RSF1: variants seen among roughly 807,000 people sequenced by gnomAD.
RSF1 encodes remodeling and spacing factor 1, also known as HBV pX-associated protein 8.
Under a neutral mutation model 145.2 loss-of-function variants are expected in RSF1, and 13 were observed. That is an observed-to-expected ratio of 0.09 (90% CI 0.06 to 0.14). The LOEUF is 0.14. RSF1 is among the 10% of genes least tolerant of loss of function. The pLI is 1.00. For missense variants in RSF1, 1,517 were observed against 1,718.2 expected (o/e 0.88, Z 2.07); for synonymous variants, 577 against 592.6 (o/e 0.97, Z 0.38).
chr11:77,831,755 G>A, the RSF1 span: 2 of 150,542 alleles, frequency 1.3e-5, no homozygotes, highest in African/African-American at 2.5e-5. Flanking sequence ...GAGTGCAGTG[G>A]TACGATCTTG....
chr11:77,800,185 T>A (rs1010702910), intron 1 of RSF1, among the ~76,000 whole-genome samples: 4 of 152,060 alleles, frequency 2.6e-5, no homozygotes, highest in African/African-American at 9.7e-5. Flanking sequence ...TAAATAAAAA[T>A]AAAGTTTAGG....
At chr11:77,777,550 A>C (rs1158027488) in intron 1 of RSF1, among the ~76,000 whole-genome samples, 1 of 152,166 alleles carries the variant, frequency 6.6e-6, no homozygotes, top group African/African-American at 2.4e-5. Context: ...CCAAGATGGC[A>C]CCATTGCACT....
intron 5 of RSF1, among the ~76,000 whole-genome samples, chr11:77,719,608 A>T (rs11825750): frequency 2.3e-3 from 346 of 152,360 alleles, no homozygotes; most frequent in African/African-American, 7.9e-3. Context: ...TTAAAAAATC[A>T]GTCATATGAA....
At chr11:77,715,109 G>A (rs147161335) in intron 5 of RSF1, among the ~76,000 whole-genome samples, 303 of 152,172 alleles carry the variant, frequency 2.0e-3, no homozygotes, top group African/African-American at 6.9e-3. Flanking sequence ...GGGCAATTGA[G>A]CAAGACCTTA....
chr11:77,813,711 C>T (rs984945132), intron 1 of RSF1: 14 of 421,520 alleles, frequency 3.3e-5, no homozygotes, highest in African/African-American at 6.0e-5. Context: ...ACTTGTTCCT[C>T]GGCGAGAGCG....
At chr11:77,823,950 C>A (rs1949056816), upstream of RSF1, among the ~76,000 whole-genome samples, 1 of 150,648 alleles carries the variant, frequency 6.6e-6, no homozygotes, top group African/African-American at 2.4e-5. Flanking sequence ...CTATAGTTTT[C>A]TTTTCTCACT....
chr11:77,727,042 C>T lies in RSF1; in HGVS notation c.579-1343G>A, dbSNP rs75791207. Among the ~76,000 whole-genome samples, 15 of 152,282 alleles carry T rather than the reference C, an allele frequency of 9.9e-5. No homozygotes were observed. In the East Asian group the frequency reaches 2.9e-3, roughly 29 times the overall value. On this transcript the variant is annotated intron_variant, in intron 4 of 15. Transcript: ENST00000308488. ...CAATTATACATGAGAATAAAACATA[C>T]ATGTTCATACATATCATATGAGCAT...
upstream of RSF1, among the ~76,000 whole-genome samples, chr11:77,823,152 T>C (rs1339978898): frequency 2.0e-5 from 3 of 146,816 alleles, no homozygotes; most frequent in Non-Finnish European, 3.0e-5. Context: ...GAGGCGGAGC[T>C]TGCAGTGAGC....
intron 1 of RSF1, among the ~76,000 whole-genome samples, chr11:77,797,888 G>A (rs965264659): frequency 2.0e-5 from 3 of 152,166 alleles, no homozygotes; most frequent in South Asian, 2.1e-4. Flanking sequence ...CATTTATGCA[G>A]CCACAGACAT....
At chr11:77,669,072 CT>C (rs1959451148) in intron 15 of RSF1, among the ~76,000 whole-genome samples, 1 of 152,188 alleles carries the variant, frequency 6.6e-6, no homozygotes, top group South Asian at 2.1e-4. Flanking sequence ...CCTGTGGTCT[CT>C]ACCAACTTAA....
At chr11:77,834,442 T>TG in the RSF1 span, among the ~76,000 whole-genome samples, 1 of 17,162 alleles carries the variant, frequency 5.8e-5, no homozygotes, top group South Asian at 8.0e-4. Flanking sequence ...GTTGATTTTG[T>TG]TTTTTTTTTT....
the RSF1 span, among the ~76,000 whole-genome samples, chr11:77,827,955 C>T: frequency 6.6e-6 from 1 of 152,136 alleles, no homozygotes; most frequent in Admixed American, 6.5e-5. Context: ...CTGTGTTATT[C>T]TGTACATTAG....
In RSF1 at chr11:77,667,627, C is replaced by T. The variant is rs1959403623; in HGVS notation, c.3752-136G>A. 10 of 698,086 alleles carry T rather than the reference C, an allele frequency of 1.4e-5. No individual in the cohort carries two copies. The South Asian group carries it at 1.7e-4, about 12-fold the overall frequency. The allele number at this position is 698,086 out of a possible 1,614,324, so 43.2% of individuals were successfully genotyped here. ...CTAAATGTTTCCTTTCAATAATTGG[C>T]CTGATTTCTCTCTTCTCAGTCCCAT... On this transcript the variant is annotated intron_variant, in intron 15 of 15. Coordinates refer to ENST00000308488, the MANE Select transcript of RSF1 (RefSeq NM_016578.4).
chr11:77,702,173 T>G lies in RSF1; in HGVS notation c.1056A>C (p.Glu352Asp), dbSNP rs1467962868. The G allele has an allele frequency of 4.3e-6, 7 of 1,614,010 alleles. No homozygotes were observed. The highest frequency in any genetic ancestry group is 1.3e-5 in the African/African-American group (1 of 74,942). ...KPVAQEPERI[E>D]FGGNIKSSHE... ...GAGAAGATTTAATATTGCCACCAAA[T>G]TCGATCCTTTCAGGCTCCTGTGCCA... is the stretch of plus-strand genomic sequence containing the variant. The change falls in exon 6 of 16, where the codon GAA becomes GAC. Residue 352 changes from glutamate to aspartate, a missense_variant. Around this residue, in one of 12 missense-constraint regions of RSF1, gnomAD observed 207 missense variants for 191.4 expected, o/e 1.08. Transcript: ENST00000308488.
intron 1 of RSF1, among the ~76,000 whole-genome samples, chr11:77,820,174 C>T (rs1409434233): frequency 6.6e-6 from 1 of 152,160 alleles, no homozygotes; most frequent in Non-Finnish European, 1.5e-5. Flanking sequence ...CTCCCCTTCC[C>T]CCGCCGCCAA....
At chr11:77,735,101 G>T in intron 4 of RSF1, 1 of 845,474 alleles carries the variant, frequency 1.2e-6, no homozygotes, top group Non-Finnish European at 1.9e-6. Flanking sequence ...GCCTTGGGGC[G>T]GTCTGAGGGT....
the RSF1 span, among the ~76,000 whole-genome samples, chr11:77,826,332 G>C: frequency 6.6e-6 from 1 of 151,678 alleles, no homozygotes; most frequent in Admixed American, 6.6e-5. Context: ...ATTGCACTCT[G>C]GCCTGGGTGA....
rs564973570 is a variant in RSF1 at position 77,669,814 on chromosome 11, A to G, written c.3751+2228T>C. Among the ~76,000 whole-genome samples the G allele has an allele frequency of 1.9e-3, 285 of 152,310 alleles. 2 individuals are homozygous for G. Among genetic ancestry groups the G allele is most frequent in the Non-Finnish European group, 3.6e-3 (246 of 68,030 alleles). On this transcript the variant is annotated intron_variant, in intron 15 of 15. Coordinates refer to ENST00000308488, the MANE Select transcript of RSF1 (RefSeq NM_016578.4). ...ACAGACAATATGTAAACAAATTGGT[A>G]TGGTAATCTTCCAGTAAAAACTGTA...
intron 5 of RSF1, among the ~76,000 whole-genome samples, chr11:77,717,260 T>G (rs1342118697): frequency 1.3e-5 from 2 of 151,438 alleles, no homozygotes; most frequent in Non-Finnish European, 2.9e-5. Context: ...CCTTGGGGCC[T>G]CCTGAATACA....
Sources: allele counts gnomAD v4.1 joint callset (sites outside exome capture counted in the v4.1 genomes callset), GRCh38; gene constraint gnomAD v4.1.1; regional missense constraint gnomAD v4.1.1; transcripts MANE v1.5; gene names NCBI Gene and HGNC (gene_info 2026-07-23, HGNC 2026-07-21).